Variants in CFAP221 observed in about 807,000 individuals in gnomAD.
The protein encoded by CFAP221 is cilia- and flagella-associated protein 221.
CFAP221 carries 97 observed loss-of-function variants against 113.1 expected under a neutral mutation model. The ratio of observed to expected loss-of-function variants is 0.86; its 90% CI spans 0.73 to 1.02. The LOEUF (loss-of-function observed/expected upper bound fraction) is 1.02. Among genes scored for constraint, CFAP221 ranks in the 50% least tolerant of loss-of-function variants. The pLI is 0.00. For synonymous variants in CFAP221, 331 were observed against 354.4 expected (o/e 0.93, Z 0.74); for missense variants, 1,025 against 1,013.4 (o/e 1.01, Z -0.16).
intron 3 of CFAP221, among the ~76,000 whole-genome samples, chr2:119,551,719 G>A (rs2105016450): frequency 6.6e-6 from 1 of 152,288 alleles, no homozygotes; most frequent in African/African-American, 2.4e-5. Flanking sequence ...TCAAGACCAT[G>A]TTGGCTATTC....
At chr2:119,642,520 G>A (rs1191156457) in intron 21 of CFAP221, among the ~76,000 whole-genome samples, 1 of 144,582 alleles carries the variant, frequency 6.9e-6, no homozygotes, top group Non-Finnish European at 1.5e-5. Context: ...AAAGGGGAAG[G>A]GAGCTCTCAG....
intron 8 of CFAP221, among the ~76,000 whole-genome samples, chr2:119,603,767 GA>G (rs2104670664): frequency 6.6e-6 from 1 of 152,046 alleles, no homozygotes; most frequent in African/African-American, 2.4e-5. Flanking sequence ...TTGTGTTGCA[GA>G]AAAATATAAC....
In CFAP221 at chr2:119,629,872, T is replaced by G. The variant is rs763598831; in HGVS notation, c.1651-3T>G. 1.7e-5 allele frequency: 28 copies of G among 1,608,554 alleles called. No homozygotes were observed. The South Asian group carries it at 2.3e-4, about 13-fold the overall frequency. ...TCTCTTTTTTTCTCCTTTCACATTT[T>G]AGGCTCCTGATGGCCTTGGACTGGT... is the stretch of plus-strand genomic sequence containing the variant. On this transcript the variant is annotated splice_region_variant and splice_polypyrimidine_tract_variant and intron_variant, in intron 16 of 23. Transcript: ENST00000413369.
intron 3 of CFAP221, among the ~76,000 whole-genome samples, chr2:119,550,382 C>T (rs1193965964): frequency 6.6e-6 from 1 of 152,180 alleles, no homozygotes; most frequent in Non-Finnish European, 1.5e-5. Flanking sequence ...ACACAGTTTC[C>T]ATGAATCCTT....
At chr2:119,560,517 C>T (rs1158951940) in intron 5 of CFAP221, among the ~76,000 whole-genome samples, 2 of 152,136 alleles carry the variant, frequency 1.3e-5, no homozygotes, top group African/African-American at 4.8e-5. Flanking sequence ...TGAGCCTTTC[C>T]TAGGTCACCT....
chr2:119,623,662 A>C (rs899850351), intron 14 of CFAP221, among the ~76,000 whole-genome samples: 13 of 152,220 alleles, frequency 8.5e-5, no homozygotes, highest in Non-Finnish European at 1.5e-4. Context: ...ACTGGTACCA[A>C]AACACATATA....
rs1240225265 is a variant in CFAP221, at chr2:119,646,955, C to T, written c.2226-3C>T. 1.2e-6 allele frequency: 2 copies of T among 1,612,600 alleles called. No individual in the cohort carries two copies. Among genetic ancestry groups the T allele is most frequent in the Non-Finnish European group, 1.7e-6 (2 of 1,179,086 alleles). On this transcript the variant is annotated splice_region_variant and splice_polypyrimidine_tract_variant and intron_variant, in intron 21 of 23. Coordinates refer to ENST00000413369, the MANE Select transcript of CFAP221 (RefSeq NM_001271049.2). ...TTTGACTGCTTGTGTGGTTTTTCCA[C>T]AGCTGCGATTCCTTCAATTCATTTA...
chr2:119,569,532 G>A (rs1681897755), intron 6 of CFAP221, among the ~76,000 whole-genome samples: 1 of 151,854 alleles, frequency 6.6e-6, no homozygotes, highest in Non-Finnish European at 1.5e-5. Context: ...GTGGTTTGAT[G>A]TCTGACATTC....
intron 3 of CFAP221, among the ~76,000 whole-genome samples, chr2:119,554,075 C>T (rs1680610940): frequency 6.6e-6 from 1 of 152,292 alleles, no homozygotes; most frequent in Non-Finnish European, 1.5e-5. Context: ...GGAGAGCCAG[C>T]CCCCTGTTTC....
At chr2:119,658,923 C>T (rs1197800949), downstream of CFAP221, among the ~76,000 whole-genome samples, 1 of 150,200 alleles carries the variant, frequency 6.7e-6, no homozygotes, top group African/African-American at 2.5e-5. Flanking sequence ...CCCAGGAAGT[C>T]GAGGCTGCAG....
intron 19 of CFAP221, among the ~76,000 whole-genome samples, chr2:119,635,659 T>A (rs1414025707): frequency 1.3e-5 from 2 of 152,246 alleles, no homozygotes; most frequent in East Asian, 3.8e-4. Context: ...CTATGTAATT[T>A]AAATGTGTCA....
rs144810866 is a variant in CFAP221, at chr2:119,600,889, T to C, written c.632-329T>C. 3.7e-3 allele frequency among the ~76,000 whole-genome samples: 571 copies of C among 152,354 alleles called. 6 individuals carry two copies. The highest frequency in any genetic ancestry group is 0.013 in the African/African-American group (536 of 41,578). ...AATGAAGACCTTTGTGATGATCCAC[T>C]TCCACTTAATGAATAACAAATATAT... On this transcript the variant is annotated intron_variant, in intron 7 of 23. Transcript: ENST00000413369.
At chr2:119,549,730 G>A (rs1287833298) in intron 3 of CFAP221, among the ~76,000 whole-genome samples, 1 of 152,196 alleles carries the variant, frequency 6.6e-6, no homozygotes, top group East Asian at 1.9e-4. Context: ...AGATGCCCAT[G>A]CCTAATCAGT....
chr2:119,584,962 C>A (rs1246304969), intron 6 of CFAP221, among the ~76,000 whole-genome samples: 1 of 152,162 alleles, frequency 6.6e-6, no homozygotes, highest in Non-Finnish European at 1.5e-5. Context: ...AGCTCTACTG[C>A]AGGTGCATGT....
Position 119,608,498 on chromosome 2 carries a change from C to T in CFAP221, c.1134-4C>T, listed in dbSNP as rs1193940745. ...TGGACACAGTTTTTTTTTTTTCTCC[C>T]CAGGCAGGTGCACCTTGGTAAAGAT... is the stretch of plus-strand genomic sequence containing the variant. On this transcript the variant is annotated splice_polypyrimidine_tract_variant and splice_region_variant and intron_variant, in intron 11 of 23. Coordinates refer to ENST00000413369, the MANE Select transcript of CFAP221 (RefSeq NM_001271049.2). The T allele has an allele frequency of 3.8e-6, 6 of 1,589,192 alleles. No individual in the cohort carries two copies. The highest frequency in any genetic ancestry group is 4.3e-6 in the Non-Finnish European group (5 of 1,171,204).
Position 119,638,406 on chromosome 2 carries a change from C to A in CFAP221, c.2122C>A (p.Leu708Ile). The change falls in exon 20 of 24, where the codon CTC (leucine) becomes ATC (isoleucine). Residue 708 changes from leucine to isoleucine, a missense_variant. By Grantham distance (5) the Leu-to-Ile change is conservative (BLOSUM62 2). Transcript: ENST00000413369. ...SSIPVTQKQF[L>I]HHTDIIPGIM... Reference sequence around the variant, plus strand: ...CATTCCTGTCACCCAAAAGCAGTTTCTCCATCACACGGTAATGTCATCACC... The same window carrying A: ...CATTCCTGTCACCCAAAAGCAGTTTATCCATCACACGGTAATGTCATCACC... The A allele has an allele frequency of 6.2e-7, 1 of 1,614,156 alleles. No homozygotes were observed. Among genetic ancestry groups the A allele is most frequent in the East Asian group, 2.2e-5 (1 of 44,872 alleles).
At chr2:119,559,028 A>T (rs937396645) in intron 3 of CFAP221, among the ~76,000 whole-genome samples, 1 of 152,216 alleles carries the variant, frequency 6.6e-6, no homozygotes, top group African/African-American at 2.4e-5. Flanking sequence ...CTCCTGGCCC[A>T]GGCAAAGCCC....
chr2:119,608,361 A>G (rs1684916666), intron 11 of CFAP221, 141 bp from the exon 12 acceptor site: 1 of 538,382 alleles, frequency 1.9e-6, no homozygotes, highest in African/African-American at 1.9e-5. Flanking sequence ...AAGCCTCTAT[A>G]ACTAACTTCT....
At chr2:119,592,865 T>C (rs1683693413) in intron 7 of CFAP221, among the ~76,000 whole-genome samples, 1 of 152,272 alleles carries the variant, frequency 6.6e-6, no homozygotes, top group African/African-American at 2.4e-5. Context: ...TGTTCCCCAC[T>C]GAAGGTGAAT....
Sources: allele counts gnomAD v4.1 joint callset (sites outside exome capture counted in the v4.1 genomes callset), GRCh38; gene constraint gnomAD v4.1.1; transcripts MANE v1.5; gene names NCBI Gene and HGNC (gene_info 2026-07-23, HGNC 2026-07-21).